The following KIRREL3 variants were observed in gnomAD, a reference collection of about 807,000 sequenced individuals.
KIRREL3 encodes the protein kin of IRRE-like protein 3.
Under a neutral mutation model 89.7 loss-of-function variants are expected in KIRREL3, and 36 were observed. The observed-to-expected ratio is 0.40, with a 90% CI of 0.31 to 0.53. The LOEUF (loss-of-function observed/expected upper bound fraction) is 0.53, where lower values mean the gene tolerates loss of function less well. Ranked by LOEUF, KIRREL3 falls within the 20% of genes least tolerant of loss-of-function variation. The pLI is 0.49. For synonymous variants in KIRREL3, 445 were observed against 441.4 expected (o/e 1.01, Z -0.10); for missense variants, 864 against 1,056.6 (o/e 0.82, Z 2.53).
chr11:127,003,033 C>G (rs985760556), upstream of KIRREL3: 1 of 152,384 alleles, frequency 6.6e-6, no homozygotes, highest in South Asian at 2.1e-4. Context: ...ATCCCCCTCA[C>G]CCCCACCAAC....
chr11:126,833,366 G>A (rs954924127), intron 1 of KIRREL3, among the ~76,000 whole-genome samples: 2 of 152,222 alleles, frequency 1.3e-5, no homozygotes, highest in African/African-American at 4.8e-5. Context: ...GTGGCTCTGA[G>A]ACCAGTTTGC....
At chr11:126,554,343 G>T (rs1565546334) in intron 2 of KIRREL3, among the ~76,000 whole-genome samples, 1 of 152,154 alleles carries the variant, frequency 6.6e-6, no homozygotes, top group Non-Finnish European at 1.5e-5. Flanking sequence ...GCTGGGAGGT[G>T]CTCAGAGGTG....
At chr11:126,663,235 G>C (rs1268057201) in intron 1 of KIRREL3, among the ~76,000 whole-genome samples, 3 of 143,184 alleles carry the variant, frequency 2.1e-5, no homozygotes, top group Non-Finnish European at 4.5e-5. Context: ...ACCCAGGCTG[G>C]AGTGCAGTGG....
At position 126,552,726 on chromosome 11, in the gene KIRREL3, A is replaced by G. The variant is rs549730800; in HGVS notation, c.133+10109T>C. On this transcript the variant is annotated intron_variant, in intron 2 of 16. Transcript: ENST00000525144. Reference sequence around the variant, plus strand: ...CAGGCACCTGCCACCATGCCCAGCTAATTTTTTTGTATTTTTAGTAGAGAC... The same window carrying G: ...CAGGCACCTGCCACCATGCCCAGCTGATTTTTTTGTATTTTTAGTAGAGAC... Among the ~76,000 whole-genome samples the G allele has an allele frequency of 2.6e-4, 39 of 151,844 alleles. No homozygotes were observed. In the South Asian group the frequency reaches 8.1e-3, roughly 32 times the overall value.
At chr11:126,626,879 A>G (rs987269657) in intron 1 of KIRREL3, among the ~76,000 whole-genome samples, 2 of 152,102 alleles carry the variant, frequency 1.3e-5, no homozygotes, top group Admixed American at 6.6e-5. Flanking sequence ...GTGGTGGCGC[A>G]TGCCTGTAAT....
chr11:126,432,340 A>T lies in KIRREL3; in HGVS notation c.1589-814T>A, dbSNP rs1254449029. On this transcript the variant is annotated intron_variant, in intron 13 of 16. Coordinates refer to ENST00000525144, the MANE Select transcript of KIRREL3 (RefSeq NM_032531.4). The surrounding 1 kb of genome is among the most constrained non-coding windows in gnomAD (Gnocchi z 6.2). ...GGGGGTAGGGACAGGGAGGGTAAGGATAGAGTCGGGGGTGATCTTCCACAC... is the reference window on the plus strand; with the variant it reads ...GGGGGTAGGGACAGGGAGGGTAAGGTTAGAGTCGGGGGTGATCTTCCACAC... 6.6e-6 allele frequency among the ~76,000 whole-genome samples: 1 copy of T among 152,086 alleles called. No individual in the cohort carries two copies. The highest frequency in any genetic ancestry group is 1.5e-5 in the Non-Finnish European group (1 of 67,982).
chr11:126,713,992 T>C (rs1003628111), intron 1 of KIRREL3, among the ~76,000 whole-genome samples: 3 of 152,100 alleles, frequency 2.0e-5, no homozygotes, highest in African/African-American at 7.2e-5. Context: ...GGAGGTTTTG[T>C]TGGAACACAG....
At chr11:126,572,585 C>T (rs1223677401) in intron 1 of KIRREL3, among the ~76,000 whole-genome samples, 1 of 148,640 alleles carries the variant, frequency 6.7e-6, no homozygotes, top group Non-Finnish European at 1.5e-5. Flanking sequence ...CCCCCCCCGC[C>T]AAGCAGGTGC....
chr11:126,894,095 G>A (rs974337264), intron 1 of KIRREL3, among the ~76,000 whole-genome samples: 1 of 152,218 alleles, frequency 6.6e-6, no homozygotes, highest in African/African-American at 2.4e-5. Flanking sequence ...CGTCCACCTC[G>A]TCCTGTTGGG....
intron 1 of KIRREL3, among the ~76,000 whole-genome samples, chr11:126,901,213 C>CCAA (rs1946357994): frequency 1.2e-5 from 1 of 86,042 alleles, no homozygotes; most frequent in South Asian, 4.6e-4. Context: ...GATTCCGTCT[C>CCAA]AAAAAAAAAA....
In KIRREL3 at chr11:126,778,899, T is replaced by C. The variant is rs190842319; in HGVS notation, c.56-215987A>G. The stretch of plus-strand genomic sequence containing the variant: ...GTAAATGTACGCAGTTTTGGTAAGA[T>C]GAGCTATGCAGTTGTTCACCTGTTT... On this transcript the variant is annotated intron_variant, in intron 1 of 16. Transcript: ENST00000525144. The surrounding 1 kb of genome is among the most constrained non-coding windows in gnomAD (Gnocchi z 4.5). Among the ~76,000 whole-genome samples the C allele has an allele frequency of 1.6e-4, 25 of 152,360 alleles. 1 individual carries two copies. In the East Asian group the frequency reaches 4.6e-3, roughly 28 times the overall value.
intron 1 of KIRREL3, among the ~76,000 whole-genome samples, chr11:126,756,512 A>G (rs1434880671): frequency 6.6e-6 from 1 of 152,254 alleles, no homozygotes; most frequent in Non-Finnish European, 1.5e-5. Context: ...TCAGGCCAAC[A>G]GTTGACCAGG....
intron 1 of KIRREL3, among the ~76,000 whole-genome samples, chr11:126,567,059 A>T (rs1940570829): frequency 6.6e-6 from 1 of 152,204 alleles, no homozygotes; most frequent in Non-Finnish European, 1.5e-5. Flanking sequence ...CAGAGACTAG[A>T]GCACAGATCA....
Position 126,563,447 on chromosome 11 carries a change from C to T in KIRREL3, c.56-535G>A, listed in dbSNP as rs1477749464. On this transcript the variant is annotated intron_variant, in intron 1 of 16. Coordinates refer to ENST00000525144, the MANE Select transcript of KIRREL3 (RefSeq NM_032531.4). This position sits in a 1 kb window ranked among gnomAD's most constrained non-coding sequence, Gnocchi z 6.8. ...GTGAGTTTAGGGCAGCGGGGCGACA[C>T]AGAGGTTAAGGTATAGGCAGAAGAG... 6.6e-6 allele frequency among the ~76,000 whole-genome samples: 1 copy of T among 152,154 alleles called. No homozygotes were observed. Among genetic ancestry groups the T allele is most frequent in the Non-Finnish European group, 1.5e-5 (1 of 68,046 alleles).
At position 126,623,237 on chromosome 11, in the gene KIRREL3, C is replaced by T. The variant is rs1943644974; in HGVS notation, c.56-60325G>A. ...CTCAATGGGTGGAAAAACCTACCCA[C>T]ATGCTATGAGGATGGGAAACCAAAG... is the stretch of plus-strand genomic sequence containing the variant. On this transcript the variant is annotated intron_variant, in intron 1 of 16. Transcript: ENST00000525144. The surrounding 1 kb of genome is among the most constrained non-coding windows in gnomAD (Gnocchi z 4.1). Among the ~76,000 whole-genome samples the T allele has an allele frequency of 6.6e-6, 1 of 152,192 alleles. No individual in the cohort carries two copies. The highest frequency in any genetic ancestry group is 1.5e-5 in the Non-Finnish European group (1 of 68,040).
chr11:126,885,568 A>T (rs1030639441), intron 1 of KIRREL3, among the ~76,000 whole-genome samples: 1 of 152,028 alleles, frequency 6.6e-6, no homozygotes, highest in South Asian at 2.1e-4. Context: ...CAACCTCATC[A>T]TCGTTATCAT....
chr11:126,746,154 A>G (rs539149161), intron 1 of KIRREL3, among the ~76,000 whole-genome samples: 5 of 152,238 alleles, frequency 3.3e-5, no homozygotes, highest in Admixed American at 6.5e-5. Context: ...AATTTTGTCT[A>G]CATTCCTTAT....
At chr11:126,712,381 C>T (rs1947795785) in intron 1 of KIRREL3, among the ~76,000 whole-genome samples, 1 of 152,096 alleles carries the variant, frequency 6.6e-6, no homozygotes, top group African/African-American at 2.4e-5. Flanking sequence ...CTGGCAGGGC[C>T]GAGCCCCTCA....
chr11:126,631,243 C>G (rs1322386780), intron 1 of KIRREL3, among the ~76,000 whole-genome samples: 1 of 152,152 alleles, frequency 6.6e-6, no homozygotes, highest in African/African-American at 2.4e-5. Flanking sequence ...TCTAGCAGAT[C>G]TCTAGTGTTC....
Sources: gnomAD v4.1 joint callset for allele counts (sites outside exome capture counted in the v4.1 genomes callset) on GRCh38, gnomAD v4.1.1 for gene constraint, Gnocchi (gnomAD v3.1) non-coding constraint, MANE v1.5 for transcripts, NCBI Gene and HGNC (gene_info 2026-07-23, HGNC 2026-07-21) for gene names.